MYO1E: variants seen among roughly 807,000 people sequenced by gnomAD.
MYO1E encodes unconventional myosin-Ie.
Under a neutral mutation model 151.1 loss-of-function variants are expected in MYO1E, and 68 were observed. The observed-to-expected ratio is 0.45, with a 90% CI of 0.37 to 0.55. MYO1E has a LOEUF of 0.55. Among genes scored for constraint, MYO1E ranks in the 20% least tolerant of loss-of-function variants. The pLI is 0.00. For synonymous variants in MYO1E, 601 were observed against 501.7 expected, an observed-to-expected ratio of 1.20 and a Z score of -2.64; for missense variants, 1,363 against 1,389.3, an observed-to-expected ratio of 0.98 and a Z score of 0.30.
At chr15:59,315,726 G>T (rs2080584576) in intron 1 of MYO1E, among the ~76,000 whole-genome samples, 1 of 152,146 alleles carries the variant, frequency 6.6e-6, no homozygotes, top group Non-Finnish European at 1.5e-5. Context: ...TAGTTAAAAT[G>T]ATCACATTAA....
At chr15:59,188,693 C>G (rs2079714436) in intron 17 of MYO1E, among the ~76,000 whole-genome samples, 1 of 151,852 alleles carries the variant, frequency 6.6e-6, no homozygotes, top group African/African-American at 2.4e-5. Flanking sequence ...GAGACTCCGT[C>G]TCAGAAATAA....
intron 1 of MYO1E, among the ~76,000 whole-genome samples, chr15:59,279,032 T>C (rs1326348765): frequency 6.6e-6 from 1 of 152,140 alleles, no homozygotes; most frequent in Non-Finnish European, 1.5e-5. Flanking sequence ...AGTATGTGCT[T>C]ATTCATAAAG....
At chr15:59,278,560 A>G (rs2080335120) in intron 1 of MYO1E, among the ~76,000 whole-genome samples, 1 of 152,206 alleles carries the variant, frequency 6.6e-6, no homozygotes, top group South Asian at 2.1e-4. Context: ...TGGGCTTGCA[A>G]ACTGGTCTAC....
intron 9 of MYO1E, among the ~76,000 whole-genome samples, chr15:59,222,594 AAACTG>A (rs1358729722): frequency 1.3e-5 from 2 of 152,252 alleles, no homozygotes; most frequent in Non-Finnish European, 2.9e-5. Flanking sequence ...TCCATGGAAC[AAACTG>A]TGAAGCTGTG....
In MYO1E at chr15:59,165,770, A is replaced by G. The variant is rs112531069; in HGVS notation, c.2481-2467T>C. On this transcript the variant is annotated intron_variant, in intron 22 of 27. Transcript: ENST00000288235. ...TAAAGTCTAAGCCTCCTGGCACCCTAGCCCAGGTGTAAGAACCCGGCTGCA... is the reference window on the plus strand; with the variant it reads ...TAAAGTCTAAGCCTCCTGGCACCCTGGCCCAGGTGTAAGAACCCGGCTGCA... Among the ~76,000 whole-genome samples the G allele has an allele frequency of 3.6e-3, 548 of 152,346 alleles. 2 individuals are homozygous for G. The highest frequency in any genetic ancestry group is 0.012 in the African/African-American group (510 of 41,580).
At chr15:59,172,070 G>A (rs770132571) in intron 21 of MYO1E, 28 bp from the exon 22 acceptor site, 3 of 1,611,296 alleles carry the variant, frequency 1.9e-6, no homozygotes, top group Non-Finnish European at 2.5e-6. Context: ...TTAAGAAGCT[G>A]GACAGGCCAG....
intron 1 of MYO1E, among the ~76,000 whole-genome samples, chr15:59,371,017 T>C (rs147057453): frequency 6.6e-6 from 1 of 152,142 alleles, no homozygotes; most frequent in Non-Finnish European, 1.5e-5. Flanking sequence ...TAACGTAGAG[T>C]AGACTGACTT....
chr15:59,209,824 T>C (rs1370654503), intron 13 of MYO1E, among the ~76,000 whole-genome samples: 1,121 of 98,566 alleles, frequency 0.011, 87 homozygotes, highest in African/African-American at 0.043. Context: ...CCTTTTTTTT[T>C]TTTTTTTTTT....
In MYO1E at chr15:59,211,420, C is replaced by T. The variant is rs1208632861; in HGVS notation, c.1276-820G>A. Among the ~76,000 whole-genome samples, 6 of 152,264 alleles carry T rather than the reference C, an allele frequency of 3.9e-5. No homozygotes were observed. The East Asian group carries it at 9.6e-4, about 24-fold the overall frequency. On this transcript the variant is annotated intron_variant, in intron 12 of 27. Transcript: ENST00000288235. ...ATGTGGTAGAGTCTCAGGGCTCAATCTTTCAGCTTTCTCATTTTCTCAGCC... is the reference window on the plus strand; with the variant it reads ...ATGTGGTAGAGTCTCAGGGCTCAATTTTTCAGCTTTCTCATTTTCTCAGCC...
intron 22 of MYO1E, among the ~76,000 whole-genome samples, chr15:59,168,782 G>C (rs1431713306): frequency 6.6e-6 from 1 of 152,008 alleles, no homozygotes; most frequent in Non-Finnish European, 1.5e-5. Flanking sequence ...CACCACTCCT[G>C]GCTAATTTTC....
chr15:59,229,358 C>T (rs2080011887), intron 6 of MYO1E, among the ~76,000 whole-genome samples: 1 of 152,172 alleles, frequency 6.6e-6, no homozygotes, highest in African/African-American at 2.4e-5. Context: ...AAGCACCCAG[C>T]TGATTTTTAT....
At chr15:59,360,570 A>T (rs920950268) in intron 1 of MYO1E, among the ~76,000 whole-genome samples, 1 of 152,156 alleles carries the variant, frequency 6.6e-6, no homozygotes, top group Non-Finnish European at 1.5e-5. Flanking sequence ...AATGTTTGTT[A>T]TTCTTGTAAA....
In MYO1E at chr15:59,274,069, G is replaced by T. The variant is rs570162339; in HGVS notation, c.4-1620C>A. On this transcript the variant is annotated intron_variant, in intron 1 of 27. Coordinates refer to ENST00000288235, the MANE Select transcript of MYO1E (RefSeq NM_004998.4). Reference sequence around the variant, plus strand: ...TTATTAAATGGTTTACTTTTTTTTCGATGGGAAACACAGATCCTTTGCTAA... The same window carrying T: ...TTATTAAATGGTTTACTTTTTTTTCTATGGGAAACACAGATCCTTTGCTAA... 5.8e-4 allele frequency among the ~76,000 whole-genome samples: 63 copies of T among 109,364 alleles called. No individual in the cohort carries two copies. In the South Asian group the frequency reaches 0.017, roughly 30 times the overall value. 71.7% of individuals were successfully genotyped at this position (109,364 alleles called of 152,430 possible). A position where few individuals can be genotyped will look rare whatever the true frequency, so the allele number is the denominator to read the frequency against.
chr15:59,237,784 C>T (rs2080075875), intron 4 of MYO1E, among the ~76,000 whole-genome samples: 1 of 152,218 alleles, frequency 6.6e-6, no homozygotes, highest in Non-Finnish European at 1.5e-5. Flanking sequence ...CAAGGTGACA[C>T]TCCTATTCCC....
At chr15:59,231,335 G>C (rs1479371228) in intron 6 of MYO1E, among the ~76,000 whole-genome samples, 2 of 152,156 alleles carry the variant, frequency 1.3e-5, no homozygotes, top group African/African-American at 4.8e-5. Context: ...CACTGCCAGT[G>C]GGAAATGATA....
intron 2 of MYO1E, among the ~76,000 whole-genome samples, chr15:59,265,509 C>A (rs200660112): frequency 6.7e-6 from 1 of 150,310 alleles, no homozygotes; most frequent in African/African-American, 2.4e-5. Flanking sequence ...GGAAAAAAAA[C>A]AAAAACAAAA....
intron 2 of MYO1E, among the ~76,000 whole-genome samples, chr15:59,262,257 G>A (rs2080228555): frequency 6.6e-6 from 1 of 151,832 alleles, no homozygotes; most frequent in African/African-American, 2.4e-5. Context: ...ACAAATACAG[G>A]GATACAAGAT....
intron 4 of MYO1E, among the ~76,000 whole-genome samples, chr15:59,240,194 T>C (rs1463262219): frequency 6.6e-6 from 1 of 152,238 alleles, no homozygotes; most frequent in Non-Finnish European, 1.5e-5. Context: ...TGCCCATGTC[T>C]GGGCCCGTCT....
chr15:59,297,045 A>T (rs79263606), intron 1 of MYO1E, among the ~76,000 whole-genome samples: 1 of 66,252 alleles, frequency 1.5e-5, no homozygotes, highest in Admixed American at 1.9e-4. Context: ...GTAGAGACAG[A>T]GTTTCACTGT....
Sources: gnomAD v4.1 joint callset for allele counts (sites outside exome capture counted in the v4.1 genomes callset) on GRCh38, gnomAD v4.1.1 for gene constraint, MANE v1.5 for transcripts, NCBI Gene and HGNC (gene_info 2026-07-23, HGNC 2026-07-21) for gene names.